MEGF11: variants seen among roughly 807,000 people sequenced by gnomAD.
The protein encoded by MEGF11 is multiple EGF like domains 11, also known as multiple epidermal growth factor-like domains protein 11.
In MEGF11, 126 loss-of-function variants were observed where a neutral mutation model predicts 146.6. The observed-to-expected ratio is 0.86, with a 90% CI of 0.74 to 1.00. The LOEUF is 1.00. Ranked by LOEUF, MEGF11 falls within the 50% of genes least tolerant of loss-of-function variation. The pLI is 0.00. For missense variants in MEGF11, 1,509 were observed against 1,521.2 expected, an observed-to-expected ratio of 0.99 and a Z score of 0.13; for synonymous variants, 532 against 583.4, an observed-to-expected ratio of 0.91 and a Z score of 1.27.
intron 1 of MEGF11, among the ~76,000 whole-genome samples, chr15:66,235,541 G>T (rs1001454): frequency 0.014 from 2,093 of 151,712 alleles, 45 homozygotes; most frequent in African/African-American, 0.049. Context: ...CAAATCCAGA[G>T]ACATGGCCAA....
intron 1 of MEGF11, among the ~76,000 whole-genome samples, chr15:66,230,800 C>G (rs2091952871): frequency 6.6e-6 from 1 of 152,146 alleles, no homozygotes; most frequent in South Asian, 2.1e-4. Flanking sequence ...TTTTAAAAAC[C>G]CACTCTAGTA....
At chr15:66,001,754 G>GCCGTT (rs2082373378) in intron 5 of MEGF11, among the ~76,000 whole-genome samples, 1 of 152,166 alleles carries the variant, frequency 6.6e-6, no homozygotes, top group Non-Finnish European at 1.5e-5. Context: ...TAGCTGGGAG[G>GCCGTT]CCGTTTGAAC....
chr15:65,993,223 C>T (rs368854629), intron 5 of MEGF11, among the ~76,000 whole-genome samples: 2 of 152,278 alleles, frequency 1.3e-5, no homozygotes. Flanking sequence ...CTCAGTGACC[C>T]CAGCACTTTC....
At chr15:66,156,685 G>C (rs866032655) in intron 1 of MEGF11, among the ~76,000 whole-genome samples, 37 of 152,054 alleles carry the variant, frequency 2.4e-4, no homozygotes, top group Non-Finnish European at 4.1e-4. Context: ...TTCTGCCTTC[G>C]TTAACCAGGG....
intron 1 of MEGF11, among the ~76,000 whole-genome samples, chr15:66,198,964 G>T (rs764951301): frequency 2.6e-5 from 4 of 152,092 alleles, no homozygotes; most frequent in Non-Finnish European, 5.9e-5. Flanking sequence ...ATCATCTCTG[G>T]AGTAAGCCAC....
At chr15:66,202,857 G>A (rs1307160346) in intron 1 of MEGF11, among the ~76,000 whole-genome samples, 1 of 152,224 alleles carries the variant, frequency 6.6e-6, no homozygotes, top group Non-Finnish European at 1.5e-5. Context: ...CATGTAGAAA[G>A]CAGGTATGAA....
In MEGF11 at chr15:66,091,239, CAGAT is replaced by C. The variant is rs565780739; in HGVS notation, c.394+3159_394+3162del. On this transcript the variant is annotated intron_variant, in intron 5 of 25. Transcript: ENST00000395614. Reference sequence around the variant, plus strand: ...TAAGGCACTGCAGAGAGCACACTGGCAGATAGACCCCCAAATAGCATGTAGCAAG... The same window carrying C: ...TAAGGCACTGCAGAGAGCACACTGGCAGACCCCCAAATAGCATGTAGCAAG... 1.2e-3 allele frequency among the ~76,000 whole-genome samples: 177 copies of C among 152,298 alleles called. 1 individual carries two copies. Among genetic ancestry groups the C allele is most frequent in the African/African-American group, 3.6e-3 (149 of 41,552 alleles).
rs561954607 is a variant in MEGF11 at position 66,087,551 on chromosome 15, T to G, written c.394+6851A>C. Among the ~76,000 whole-genome samples, 98 of 152,276 alleles carry G rather than the reference T, an allele frequency of 6.4e-4. No homozygotes were observed. The Middle Eastern group carries it at 0.014, about 21-fold the overall frequency. On this transcript the variant is annotated intron_variant, in intron 5 of 25. Coordinates refer to ENST00000395614, the MANE Select transcript of MEGF11 (RefSeq NM_001385028.1). ...CAAAACCATGTAAATACATGGACAT[T>G]AAATAACCTGCTCCTGAATGAGCAT...
chr15:66,090,348 A>G (rs1281906047), intron 5 of MEGF11, among the ~76,000 whole-genome samples: 1 of 152,230 alleles, frequency 6.6e-6, no homozygotes. Flanking sequence ...GCATAAGAAG[A>G]ATCACTACAG....
chr15:66,054,915 T>G (rs2084615927), intron 5 of MEGF11, among the ~76,000 whole-genome samples: 2 of 152,018 alleles, frequency 1.3e-5, no homozygotes. Flanking sequence ...AAGAAGGGAA[T>G]AGTCCAGAAA....
chr15:66,037,324 T>C (rs577424065), intron 5 of MEGF11, among the ~76,000 whole-genome samples: 1 of 152,348 alleles, frequency 6.6e-6, no homozygotes, highest in African/African-American at 2.4e-5. Flanking sequence ...TCTACTACAG[T>C]TGGGATAACT....
intron 5 of MEGF11, among the ~76,000 whole-genome samples, chr15:66,052,752 G>T (rs1236590223): frequency 6.6e-6 from 1 of 152,138 alleles, no homozygotes; most frequent in Non-Finnish European, 1.5e-5. Context: ...AACCTTCTGA[G>T]GCCCTCCCAT....
At chr15:66,174,141 G>A (rs1458553860) in intron 1 of MEGF11, among the ~76,000 whole-genome samples, 2 of 152,196 alleles carry the variant, frequency 1.3e-5, no homozygotes, top group African/African-American at 4.8e-5. Context: ...CACGAAAACT[G>A]CCAAGTCCAT....
At chr15:66,108,418 TGAG>T (rs890471043) in intron 4 of MEGF11, among the ~76,000 whole-genome samples, 3 of 152,050 alleles carry the variant, frequency 2.0e-5, no homozygotes, top group African/African-American at 7.2e-5. Context: ...ATAGTTCCAT[TGAG>T]GAGACAGAAA....
chr15:66,160,242 C>CCTCTCTCTCTCTCTCT lies in MEGF11; in HGVS notation c.-8-31847_-8-31832dup, dbSNP rs143653192. ...AGGACAAAGCCTCCCAAGGAAAAGC[C>CCTCTCTCTCTCTCTCT]CTCTCTCTCTCTCTCTCTCTCTCTC... On this transcript the variant is annotated intron_variant, in intron 1 of 25. Coordinates refer to ENST00000395614, the MANE Select transcript of MEGF11 (RefSeq NM_001385028.1). 3.6e-3 allele frequency among the ~76,000 whole-genome samples: 480 copies of CCTCTCTCTCTCTCTCT among 133,466 alleles called. 19 individuals are homozygous for CCTCTCTCTCTCTCTCT. The highest frequency in any genetic ancestry group is 0.018 in the East Asian group (75 of 4,250). 87.6% of individuals were successfully genotyped at this position (133,466 alleles called of 152,430 possible).
At chr15:66,023,743 TA>T (rs2083237204) in intron 5 of MEGF11, among the ~76,000 whole-genome samples, 1 of 152,190 alleles carries the variant, frequency 6.6e-6, no homozygotes. Context: ...CCTGGGCAGA[TA>T]ATTGCAGTGA....
chr15:66,175,549 G>A (rs1230747138), intron 1 of MEGF11, among the ~76,000 whole-genome samples: 2 of 152,072 alleles, frequency 1.3e-5, no homozygotes, highest in Admixed American at 6.5e-5. Flanking sequence ...TCAACAAAGG[G>A]GCCAAGAACA....
In MEGF11 at chr15:65,970,556, T is replaced by TC. The variant is rs748097449; in HGVS notation, c.895dup (p.Asp299GlyfsTer21). On this transcript the variant is annotated frameshift_variant, in exon 8 of 26. Coordinates refer to ENST00000395614, the MANE Select transcript of MEGF11 (RefSeq NM_001385028.1). LOFTEE classifies it high-confidence loss of function. ...TAACAGTTAACACTATCCTTACCTG[T>TC]CCCCCATGTATCCAGCTGTACAGTG... 2.5e-6 allele frequency: 4 copies of TC among 1,613,860 alleles called. No individual in the cohort carries two copies. The East Asian group carries it at 6.7e-5, about 27-fold the overall frequency.
chr15:66,011,929 G>A (rs2082722987), intron 5 of MEGF11, among the ~76,000 whole-genome samples: 1 of 152,108 alleles, frequency 6.6e-6, no homozygotes, highest in African/African-American at 2.4e-5. Context: ...GTAAGATGAT[G>A]TATGCATGTG....
Sources: allele counts gnomAD v4.1 joint callset (sites outside exome capture counted in the v4.1 genomes callset), GRCh38; gene constraint gnomAD v4.1.1; transcripts MANE v1.5; gene names NCBI Gene and HGNC (gene_info 2026-07-23, HGNC 2026-07-21).